The following EIF5B variants were observed in gnomAD, a reference collection of about 807,000 sequenced individuals.
The protein encoded by EIF5B is eIF-5B.
EIF5B carries 47 observed loss-of-function variants against 147.5 expected under a neutral mutation model. That is an observed-to-expected ratio of 0.32 (90% confidence interval 0.25 to 0.41). The LOEUF (loss-of-function observed/expected upper bound fraction) is 0.41. EIF5B is among the 10% of genes least tolerant of loss of function. EIF5B has a pLI of 1.00. For synonymous variants in EIF5B, 455 were observed against 456.2 expected (o/e 1.00, Z 0.03); for missense variants, 1,064 against 1,413.2 (o/e 0.75, Z 3.96).
chr2:99,372,223 GT>G (rs1161194836), intron 9 of EIF5B, among the ~76,000 whole-genome samples: 1 of 151,754 alleles, frequency 6.6e-6, no homozygotes, highest in East Asian at 1.9e-4. Flanking sequence ...CCCCATCTTT[GT>G]TTTTAAAGCT....
chr2:99,339,523 CAT>C (rs902463617), intron 1 of EIF5B, among the ~76,000 whole-genome samples: 8 of 151,832 alleles, frequency 5.3e-5, no homozygotes, highest in African/African-American at 1.9e-4. Flanking sequence ...ATTAAAATTA[CAT>C]ATATATGTGT....
intron 1 of EIF5B, among the ~76,000 whole-genome samples, chr2:99,352,204 A>G (rs1289381003): frequency 6.6e-6 from 1 of 150,624 alleles, no homozygotes; most frequent in Non-Finnish European, 1.5e-5. Context: ...TCTTTTCTTC[A>G]TTTTTTTTGA....
intron 6 of EIF5B, 71 bp from the exon 7 acceptor site, chr2:99,368,422 T>A: frequency 9.1e-7 from 1 of 1,097,864 alleles, no homozygotes; most frequent in Middle Eastern, 2.0e-4. Flanking sequence ...TGAAATGCTA[T>A]CCTTTAAATA....
rs1674568267 is a variant in EIF5B, at chr2:99,376,576, C to T, written c.1782C>T (p.Asp594=). 6.2e-7 allele frequency: 1 copy of T among 1,613,944 alleles called. No individual in the cohort carries two copies. The highest frequency in any genetic ancestry group is 8.5e-7 in the Non-Finnish European group (1 of 1,179,950). The change falls in exon 10 of 24, where the codon GAC becomes GAT. Residue 594 remains aspartate, a synonymous_variant. Coordinates refer to ENST00000289371, the MANE Select transcript of EIF5B (RefSeq NM_015904.4). ...SKEMSSDSEY[D]SDDDRTKEER... is the part of the protein sequence containing the mutation. Reference sequence around the variant, plus strand: ...AAATGAGCTCAGATTCTGAATATGACTCTGATGATGATCGGACTAAAGAAG... The same window carrying T: ...AAATGAGCTCAGATTCTGAATATGATTCTGATGATGATCGGACTAAAGAAG...
intron 1 of EIF5B, chr2:99,340,788 G>A (rs1331408327): frequency 7.1e-6 from 1 of 141,242 alleles, no homozygotes; most frequent in Non-Finnish European, 1.5e-5. Flanking sequence ...TTTTTTTTTT[G>A]AGATGGAGTC....
Position 99,376,587 on chromosome 2 carries a change from A to T in EIF5B, c.1793A>T (p.Asp598Val), listed in dbSNP as rs1319592607. Residue 598 changes from aspartate (D) to valine (V), a missense_variant, in exon 10 of 24, where the codon GAT becomes GTT. By Grantham distance (152) the Asp-to-Val change is radical. This residue lies in a region of EIF5B where 195 missense variants were observed against 186.3 expected (regional missense o/e 1.05). Transcript: ENST00000289371. Reference sequence around the variant, plus strand: ...GATTCTGAATATGACTCTGATGATGATCGGACTAAAGAAGAAAGGGCTTAT... The same window carrying T: ...GATTCTGAATATGACTCTGATGATGTTCGGACTAAAGAAGAAAGGGCTTAT... ...SSDSEYDSDD[D>V]RTKEERAYDK... is the part of the protein sequence containing the mutation. 6.2e-7 allele frequency: 1 copy of T among 1,613,434 alleles called. No individual in the cohort carries two copies. The highest frequency in any genetic ancestry group is 1.3e-5 in the African/African-American group (1 of 74,858).
intron 12 of EIF5B, among the ~76,000 whole-genome samples, chr2:99,381,871 G>T (rs542282348): frequency 6.6e-6 from 1 of 152,050 alleles, no homozygotes; most frequent in Non-Finnish European, 1.5e-5. Context: ...CCTGCGATTC[G>T]TATCACCACT....
chr2:99,343,900 TATGATGTAGG>T lies in EIF5B; in HGVS notation c.35+6312_35+6321del, dbSNP rs148472708. ...AGTTTGAATTAATTGTTGTATGTGG[TATGATGTAGG>T]GGTTCATCTGCATTCTTTTTTTTTT... is the stretch of plus-strand genomic sequence containing the variant. On this transcript the variant is annotated intron_variant, in intron 1 of 23. Transcript: ENST00000289371. 7.6e-3 allele frequency among the ~76,000 whole-genome samples: 1,164 copies of T among 152,192 alleles called. 4 individuals carry two copies. The highest frequency in any genetic ancestry group is 0.02 in the Middle Eastern group (6 of 294).
chr2:99,355,532 T>C (rs1466976554), intron 1 of EIF5B, among the ~76,000 whole-genome samples: 1 of 151,638 alleles, frequency 6.6e-6, no homozygotes, highest in Non-Finnish European at 1.5e-5. Context: ...GTATGTTACT[T>C]TCTTTGGAAT....
At position 99,352,978 on chromosome 2, in the gene EIF5B, A is replaced by G. The variant is rs117666215; in HGVS notation, c.36-7258A>G. Among the ~76,000 whole-genome samples the G allele has an allele frequency of 3.4e-3, 448 of 131,872 alleles. 15 individuals are homozygous for G. In the East Asian group the frequency reaches 0.095, roughly 28 times the overall value. The allele number at this position is 131,872 out of a possible 152,430, so 86.5% of individuals were successfully genotyped here. On this transcript the variant is annotated intron_variant, in intron 1 of 23. Transcript: ENST00000289371. Reference sequence around the variant, plus strand: ...GCTGAAAGTACAGGCACATGCCACTATGCCTGGCTAATTTTTTCTTCTTCT... The same window carrying G: ...GCTGAAAGTACAGGCACATGCCACTGTGCCTGGCTAATTTTTTCTTCTTCT...
chr2:99,367,942 T>C (rs1674365050), intron 6 of EIF5B, among the ~76,000 whole-genome samples: 1 of 152,222 alleles, frequency 6.6e-6, no homozygotes. Context: ...GCTTTATTCA[T>C]AATTGCAAAA....
intron 14 of EIF5B, among the ~76,000 whole-genome samples, chr2:99,385,919 G>A (rs1015578967): frequency 1.3e-4 from 20 of 152,110 alleles, no homozygotes; most frequent in African/African-American, 4.6e-4. Context: ...TGATCTTTCT[G>A]TGTCATATGG....
chr2:99,387,712 C>T (rs1200059205), intron 14 of EIF5B, among the ~76,000 whole-genome samples: 2 of 152,134 alleles, frequency 1.3e-5, no homozygotes, highest in African/African-American at 2.4e-5. Flanking sequence ...ATTGGGATTG[C>T]GTTTCAATCT....
At chr2:99,383,799 A>G (rs1262119635) in intron 14 of EIF5B, among the ~76,000 whole-genome samples, 1 of 152,226 alleles carries the variant, frequency 6.6e-6, no homozygotes, top group Non-Finnish European at 1.5e-5. Flanking sequence ...AAAAGATGCC[A>G]TCTTGGACTT....
chr2:99,369,284 AAAAT>A lies in EIF5B; in HGVS notation c.1388-102_1388-99del, dbSNP rs1206536074. 86 of 774,602 alleles carry A rather than the reference AAAAT, an allele frequency of 1.1e-4. No individual in the cohort carries two copies. The East Asian group carries it at 2.6e-3, about 24-fold the overall frequency. 48.0% of individuals were successfully genotyped at this position (774,602 alleles called of 1,614,324 possible). On this transcript the variant is annotated intron_variant, in intron 7 of 23. Transcript: ENST00000289371. ...GCGAGACTCCATTTCAAAAAAATAA[AAAAT>A]AAATAGGTTTACACTACTGTTTTTT...
chr2:99,401,245 G>GTAAC lies in EIF5B; in HGVS notation c.*1833_*1836dup. 6.3e-7 allele frequency: 1 copy of GTAAC among 1,596,234 alleles called. No homozygotes were observed. Among genetic ancestry groups the GTAAC allele is most frequent in the Non-Finnish European group, 8.6e-7 (1 of 1,163,960 alleles). On this transcript the variant is annotated 3_prime_UTR_variant, in exon 24 of 24. Transcript: ENST00000289371. ...CATCAGGCTCTCTGGTAATATTTAT[G>GTAAC]TAACTTTTAATGTGCTTCCATAAGT...
At chr2:99,381,518 G>GTGTGTGTGT (rs797002764) in intron 12 of EIF5B, among the ~76,000 whole-genome samples, 3,108 of 143,010 alleles carry the variant, frequency 0.022, 80 homozygotes, top group South Asian at 0.063. Flanking sequence ...ACAAAAAGGG[G>GTGTGTGTGT]GTGTGTGTGT....
At chr2:99,395,576 C>T (rs995517502) in intron 21 of EIF5B, among the ~76,000 whole-genome samples, 1 of 152,210 alleles carries the variant, frequency 6.6e-6, no homozygotes, top group Non-Finnish European at 1.5e-5. Context: ...CTCAAGTGAT[C>T]CACCTGCCTC....
At chr2:99,363,525 C>G (rs1487691203) in intron 4 of EIF5B, 120 bp from the exon 5 acceptor site, 3 of 976,762 alleles carry the variant, frequency 3.1e-6, no homozygotes, top group African/African-American at 1.6e-5. Flanking sequence ...TAGAACTTAG[C>G]CTGCTGCTGG....
Sources: gnomAD v4.1 joint callset for allele counts (sites outside exome capture counted in the v4.1 genomes callset) on GRCh38, gnomAD v4.1.1 for gene constraint, gnomAD v4.1.1 regional missense constraint, MANE v1.5 for transcripts, NCBI Gene and HGNC (gene_info 2026-07-23, HGNC 2026-07-21) for gene names.